Variants in FSIP2 observed in about 807,000 individuals in gnomAD.
FSIP2 encodes the protein fibrous sheath interacting protein 2, also known as fibrous sheath-interacting protein 2.
FSIP2 carries 367 observed loss-of-function variants against 510.5 expected under a neutral mutation model. The observed-to-expected ratio is 0.72, with a 90% CI of 0.66 to 0.78. The LOEUF is 0.78. FSIP2 is among the 30% of genes least tolerant of loss of function. FSIP2 has a pLI of 0.00. For synonymous variants in FSIP2, 2,601 were observed against 2,732.2 expected, an observed-to-expected ratio of 0.95 and a Z score of 1.50; for missense variants, 7,594 against 7,901.7, an observed-to-expected ratio of 0.96 and a Z score of 1.48.
chr2:185,789,571 C>T lies in FSIP2; in HGVS notation c.2435C>T (p.Thr812Ile). 6.5e-7 allele frequency: 1 copy of T among 1,534,842 alleles called. No individual in the cohort carries two copies. The highest frequency in any genetic ancestry group is 8.7e-7 in the Non-Finnish European group (1 of 1,145,892). Reference protein sequence around the residue: ...GKPLKNSMPHTLDPMCDIAED... With the variant: ...GKPLKNSMPHILDPMCDIAED... ...CCTTTGAAAAATTCAATGCCTCATA[C>T]TTTGGACCCAATGTGTGATATTGCA... The change falls in exon 16 of 23, where the codon ACT (threonine) becomes ATT (isoleucine). Residue 812 changes from threonine (T) to isoleucine (I), a missense_variant. Transcript: ENST00000424728.
chr2:185,774,143 T>C (rs753455768), intron 13 of FSIP2, among the ~76,000 whole-genome samples: 28 of 152,126 alleles, frequency 1.8e-4, no homozygotes, highest in Non-Finnish European at 3.2e-4. Context: ...CACAGTAATC[T>C]TTTTTTCTAC....
chr2:185,800,343 G>A lies in FSIP2; in HGVS notation c.11037G>A (p.Lys3679=). The A allele has an allele frequency of 6.5e-7, 1 of 1,532,276 alleles. No individual in the cohort carries two copies. Among genetic ancestry groups the A allele is most frequent in the Non-Finnish European group, 8.7e-7 (1 of 1,145,074 alleles). 94.9% of individuals were successfully genotyped at this position (1,532,276 alleles called of 1,614,324 possible). A position where few individuals can be genotyped will look rare whatever the true frequency, so the allele number is the denominator to read the frequency against. ...ATAAGTTAAGTTATCTTGCATGTAA[G>A]TTAAACAGCCTGGTTGGTAACCTAA... is the stretch of plus-strand genomic sequence containing the variant. ...QKNKLSYLAC[K]LNSLVGNLKT... The change falls in exon 17 of 23, where the codon AAG becomes AAA. Residue 3679 remains lysine, a synonymous_variant. Coordinates refer to ENST00000424728, the MANE Select transcript of FSIP2 (RefSeq NM_173651.4).
chr2:185,754,789 G>T (rs1692210643), intron 8 of FSIP2, among the ~76,000 whole-genome samples: 1 of 151,386 alleles, frequency 6.6e-6, no homozygotes, highest in Non-Finnish European at 1.5e-5. Context: ...TTGGACTGTG[G>T]AAGTCCAATC....
At chr2:185,809,353 T>A (rs1693677639) in intron 17 of FSIP2, among the ~76,000 whole-genome samples, 1 of 152,102 alleles carries the variant, frequency 6.6e-6, no homozygotes, top group South Asian at 2.1e-4. Flanking sequence ...CAGGCTAGTT[T>A]CCTAAGACAA....
intron 2 of FSIP2, among the ~76,000 whole-genome samples, 155 bp downstream of exon 2, chr2:185,739,626 C>T (rs1691881788): frequency 6.6e-6 from 1 of 152,150 alleles, no homozygotes; most frequent in Non-Finnish European, 1.5e-5. Flanking sequence ...GTTTAGAATG[C>T]ATATGAAGCA....
intron 9 of FSIP2, among the ~76,000 whole-genome samples, chr2:185,758,670 T>G (rs1214297123): frequency 6.6e-6 from 1 of 151,102 alleles, no homozygotes; most frequent in Non-Finnish European, 1.5e-5. Flanking sequence ...TTAACCCTAG[T>G]GGTCTTTGAT....
intron 7 of FSIP2, among the ~76,000 whole-genome samples, chr2:185,748,751 A>AT (rs1692085790): frequency 6.6e-6 from 1 of 152,062 alleles, no homozygotes; most frequent in African/African-American, 2.4e-5. Context: ...TGTAAGCATG[A>AT]TAACACCACA....
At position 185,804,937 on chromosome 2, in the gene FSIP2, G is replaced by A; in HGVS notation, c.15631G>A (p.Asp5211Asn). Residue 5211 changes from aspartate (D) to asparagine (N), a missense_variant, in exon 17 of 23, where the codon GAT (aspartate) becomes AAT (asparagine). By Grantham distance (23) the Asp-to-Asn change is conservative. Coordinates refer to ENST00000424728, the MANE Select transcript of FSIP2 (RefSeq NM_173651.4). ...TGAATTCCAAGCTGAAGTACAAAAAGATGCAGACAAAAAAGGATGCTCATT... is the reference window on the plus strand; with the variant it reads ...TGAATTCCAAGCTGAAGTACAAAAAAATGCAGACAAAAAAGGATGCTCATT... Reference protein sequence around the residue: ...TSEFQAEVQKDADKKGCSFLS... With the variant: ...TSEFQAEVQKNADKKGCSFLS... 2 of 1,528,288 alleles carry A rather than the reference G, an allele frequency of 1.3e-6. No homozygotes were observed. The highest frequency in any genetic ancestry group is 2.0e-5 in the Admixed American group (1 of 48,968). 94.7% of individuals were successfully genotyped at this position (1,528,288 alleles called of 1,614,324 possible).
intron 19 of FSIP2, among the ~76,000 whole-genome samples, chr2:185,821,639 A>C (rs192054841): frequency 6.6e-6 from 1 of 151,764 alleles, no homozygotes; most frequent in East Asian, 2.0e-4. Flanking sequence ...AAATCAATCA[A>C]TAGGCCAGGC....
intron 13 of FSIP2, among the ~76,000 whole-genome samples, chr2:185,773,527 C>T (rs1692654167): frequency 6.6e-6 from 1 of 152,180 alleles, no homozygotes. Context: ...TAACTACTTA[C>T]AAATCTTTTC....
chr2:185,826,706 T>G (rs1694017159), intron 20 of FSIP2, among the ~76,000 whole-genome samples: 3 of 151,880 alleles, frequency 2.0e-5, no homozygotes, highest in African/African-American at 7.2e-5. Flanking sequence ...ACCAAGAGCC[T>G]AAAACACTAT....
At chr2:185,764,224 A>C (rs1430353295) in intron 12 of FSIP2, among the ~76,000 whole-genome samples, 1 of 151,728 alleles carries the variant, frequency 6.6e-6, no homozygotes, top group Non-Finnish European at 1.5e-5. Context: ...GTGTTAGATG[A>C]AAGTACAACT....
At chr2:185,780,192 T>G (rs1432718215) in intron 13 of FSIP2, among the ~76,000 whole-genome samples, 1 of 152,152 alleles carries the variant, frequency 6.6e-6, no homozygotes, top group South Asian at 2.1e-4. Context: ...TTTTCTTTAT[T>G]TTTTCTTTAG....
chr2:185,764,402 C>A (rs1692418428), intron 12 of FSIP2, 100 bp from the exon 13 acceptor site: 9 of 595,582 alleles, frequency 1.5e-5, no homozygotes, highest in South Asian at 1.0e-4. Context: ...TTCTCAAAAT[C>A]TTAAATTTCT....
upstream of FSIP2, chr2:185,738,705 G>T: frequency 6.5e-7 from 1 of 1,536,104 alleles, no homozygotes; most frequent in Non-Finnish European, 8.7e-7. Flanking sequence ...TCTACGCGCT[G>T]GCGCGAGCCG....
Position 185,762,003 on chromosome 2 carries a change from T to C in FSIP2, c.1226T>C (p.Ile409Thr). 1 of 1,477,782 alleles carries C rather than the reference T, an allele frequency of 6.8e-7. No individual in the cohort carries two copies. Among genetic ancestry groups the C allele is most frequent in the Admixed American group, 2.0e-5 (1 of 50,492 alleles). 91.5% of individuals were successfully genotyped at this position (1,477,782 alleles called of 1,614,324 possible). Reference protein sequence around the residue: ...RDGMVSKNSSIFDDRGGINIS... With the variant: ...RDGMVSKNSSTFDDRGGINIS... ...GGGATGGTATCTAAAAACTCAAGTA[T>C]TTTCGATGATAGAGGTAAGAAAATA... is the stretch of plus-strand genomic sequence containing the variant. The change falls in exon 11 of 23, where the codon ATT (isoleucine) becomes ACT (threonine). Residue 409 changes from isoleucine to threonine, a missense_variant. Ile to Thr is a moderately conservative substitution (Grantham distance 89, BLOSUM62 -1). Coordinates refer to ENST00000424728, the MANE Select transcript of FSIP2 (RefSeq NM_173651.4).
rs182336638 is a variant in FSIP2 at position 185,790,360 on chromosome 2, C to T, written c.3224C>T (p.Thr1075Ile). 9 of 1,531,726 alleles carry T rather than the reference C, an allele frequency of 5.9e-6. No individual in the cohort carries two copies. The Admixed American group carries it at 1.6e-4, about 27-fold the overall frequency. 94.9% of individuals were successfully genotyped at this position (1,531,726 alleles called of 1,614,324 possible). ...DWELKTEPPS[T>I]NHEDILKKKL... ...GAATTAAAGACTGAGCCACCATCTA[C>T]TAATCATGAAGATATTTTAAAGAAA... Residue 1075 changes from threonine to isoleucine, a missense_variant, in exon 16 of 23, where the codon ACT becomes ATT. By Grantham distance (89) the Thr-to-Ile change is moderately conservative. Transcript: ENST00000424728.
chr2:185,782,076 T>G (rs6719719), intron 13 of FSIP2, among the ~76,000 whole-genome samples: 82,741 of 152,026 alleles, frequency 0.54, 22,785 homozygotes, highest in South Asian at 0.64. Context: ...GACCTCATGA[T>G]CCGCCCTCCT....
At chr2:185,765,986 A>G (rs1478128479) in intron 13 of FSIP2, 1 of 150,938 alleles carries the variant, frequency 6.6e-6, no homozygotes, top group Admixed American at 6.6e-5. Flanking sequence ...ATTTTTGTAC[A>G]TTGATTTTGT....
Sources: allele counts gnomAD v4.1 joint callset (sites outside exome capture counted in the v4.1 genomes callset), GRCh38; gene constraint gnomAD v4.1.1; transcripts MANE v1.5; gene names NCBI Gene and HGNC (gene_info 2026-07-23, HGNC 2026-07-21).